LMBRD2: variants seen among roughly 807,000 people sequenced by gnomAD.
LMBRD2 encodes the protein LMBR1 domain containing 2, also known as G protein-coupled receptor-associated protein LMBRD2.
Under a neutral mutation model 94.4 loss-of-function variants are expected in LMBRD2, and 55 were observed. The observed-to-expected ratio is 0.58, with a 90% CI of 0.47 to 0.73. The LOEUF (loss-of-function observed/expected upper bound fraction) is 0.73. LMBRD2 is among the 30% of genes least tolerant of loss of function. The pLI is 0.00. For missense variants in LMBRD2, 640 were observed against 831.9 expected (o/e 0.77, Z 2.84); for synonymous variants, 246 against 272.4 (o/e 0.90, Z 0.95).
chr5:36,140,024 GT>G (rs1455198230), intron 4 of LMBRD2, among the ~76,000 whole-genome samples: 2 of 152,232 alleles, frequency 1.3e-5, no homozygotes, highest in African/African-American at 2.4e-5. Context: ...GAGAAGAGCT[GT>G]GGCCCTTCCA....
chr5:36,137,992 G>T (rs545652909), intron 4 of LMBRD2, among the ~76,000 whole-genome samples: 1 of 152,220 alleles, frequency 6.6e-6, no homozygotes, highest in Non-Finnish European at 1.5e-5. Flanking sequence ...GAATGAGTAT[G>T]GAGAATGTGA....
At chr5:36,136,062 T>C (rs1353853274) in intron 6 of LMBRD2, among the ~76,000 whole-genome samples, 2 of 152,190 alleles carry the variant, frequency 1.3e-5, no homozygotes, top group Non-Finnish European at 2.9e-5. Flanking sequence ...CTCAAAATAA[T>C]AGGCGTAGCC....
chr5:36,115,368 C>T (rs1442107105), intron 11 of LMBRD2, among the ~76,000 whole-genome samples: 1 of 152,160 alleles, frequency 6.6e-6, no homozygotes, highest in Admixed American at 6.5e-5. Flanking sequence ...TCTGCCATTG[C>T]TTTATCCCCA....
At position 36,136,450 on chromosome 5, in the gene LMBRD2, C is replaced by CA; in HGVS notation, c.605dup (p.Leu202PhefsTer28). 1 of 1,613,958 alleles carries CA rather than the reference C, an allele frequency of 6.2e-7. No individual in the cohort carries two copies. The highest frequency in any genetic ancestry group is 8.5e-7 in the Non-Finnish European group (1 of 1,179,892). On this transcript the variant is annotated frameshift_variant, in exon 6 of 18. Transcript: ENST00000296603. LOFTEE classifies it high-confidence loss of function. ...GAGGAATTTCCACCAAGCCATACCCCAACAACAACACAAGAAGAAACAGAC... is the reference window on the plus strand; with the variant it reads ...GAGGAATTTCCACCAAGCCATACCCCAAACAACAACACAAGAAGAAACAGAC...
intron 4 of LMBRD2, among the ~76,000 whole-genome samples, chr5:36,139,219 T>C (rs1048495471): frequency 3.3e-5 from 5 of 152,222 alleles, no homozygotes; most frequent in East Asian, 1.9e-4. Context: ...CCAGGCACTG[T>C]TGTAACCTAG....
chr5:36,142,376 G>A (rs1744430503), intron 3 of LMBRD2, 126 bp downstream of exon 3: 1 of 541,496 alleles, frequency 1.8e-6, no homozygotes, highest in African/African-American at 1.9e-5. Flanking sequence ...AAGAATAGAG[G>A]TGGGGAGAAT....
At chr5:36,147,921 A>C (rs1485122288) in intron 1 of LMBRD2, 2 of 421,532 alleles carry the variant, frequency 4.7e-6, no homozygotes, top group Non-Finnish European at 9.6e-6. Flanking sequence ...ATGATTCATC[A>C]TTCTCAAATA....
In LMBRD2 at chr5:36,101,318, C is replaced by T. The variant is rs1470039544; in HGVS notation, c.*2728G>A. The T allele has an allele frequency of 7.2e-5, 11 of 151,776 alleles. No individual in the cohort carries two copies. Among genetic ancestry groups the T allele is most frequent in the Admixed American group, 7.2e-4 (11 of 15,218 alleles). 9.4% of individuals were successfully genotyped at this position (151,776 alleles called of 1,614,324 possible). On this transcript the variant is annotated 3_prime_UTR_variant, in exon 18 of 18. Transcript: ENST00000296603. The stretch of plus-strand genomic sequence containing the variant: ...ATTAATAGATTATTATTATTTTCTA[C>T]AATAGTTATTCTGAATTACTGGCTT...
chr5:36,151,225 C>G lies in LMBRD2; in HGVS notation c.-58+331G>C, dbSNP rs1185659097. 6.6e-6 allele frequency among the ~76,000 whole-genome samples: 1 copy of G among 152,226 alleles called. No homozygotes were observed. The highest frequency in any genetic ancestry group is 6.5e-5 in the Admixed American group (1 of 15,286). On this transcript the variant is annotated intron_variant, in intron 1 of 17. Coordinates refer to ENST00000296603, the MANE Select transcript of LMBRD2 (RefSeq NM_001007527.2). The surrounding 1 kb of genome is among the most constrained non-coding windows in gnomAD (Gnocchi z 4.7). ...GACAGCAAGCAACCAAATGGCTTTGCTGGAGGCCCCCTGCGTGCACGGGTA... is the reference window on the plus strand; with the variant it reads ...GACAGCAAGCAACCAAATGGCTTTGGTGGAGGCCCCCTGCGTGCACGGGTA...
chr5:36,148,784 A>G (rs1259726730), intron 1 of LMBRD2, among the ~76,000 whole-genome samples: 1 of 152,232 alleles, frequency 6.6e-6, no homozygotes, highest in Non-Finnish European at 1.5e-5. Flanking sequence ...TCATAATTAC[A>G]TGTCTCTTCT....
At chr5:36,140,434 G>A (rs924275391) in intron 4 of LMBRD2, among the ~76,000 whole-genome samples, 7 of 152,216 alleles carry the variant, frequency 4.6e-5, no homozygotes, top group African/African-American at 2.4e-5. Flanking sequence ...GTAAAATTCA[G>A]GCAAAGGTGC....
At chr5:36,138,263 T>A (rs1269797955) in intron 4 of LMBRD2, among the ~76,000 whole-genome samples, 1 of 152,138 alleles carries the variant, frequency 6.6e-6, no homozygotes, top group Non-Finnish European at 1.5e-5. Context: ...GGTTAAGAAA[T>A]AAGTAAACAA....
intron 1 of LMBRD2, among the ~76,000 whole-genome samples, chr5:36,146,540 T>A (rs757502535): frequency 7.3e-4 from 111 of 152,146 alleles, no homozygotes; most frequent in African/African-American, 1.2e-3. Context: ...TGGCTAATTT[T>A]AAAAAAAAAT....
Position 36,141,773 on chromosome 5 carries a change from G to A in LMBRD2, c.273-571C>T, listed in dbSNP as rs74845907. On this transcript the variant is annotated intron_variant, in intron 3 of 17. Coordinates refer to ENST00000296603, the MANE Select transcript of LMBRD2 (RefSeq NM_001007527.2). Reference sequence around the variant, plus strand: ...GTCTCTGATCATAAATTCTGCCATGGAGCCATATTCCTAAGCTAGAAGGAT... The same window carrying A: ...GTCTCTGATCATAAATTCTGCCATGAAGCCATATTCCTAAGCTAGAAGGAT... Among the ~76,000 whole-genome samples, 2,467 of 152,118 alleles carry A rather than the reference G, an allele frequency of 0.016. 129 individuals carry two copies. In the South Asian group the frequency reaches 0.18, roughly 11 times the overall value.
chr5:36,132,904 C>A lies in LMBRD2; in HGVS notation c.747+3405G>T, dbSNP rs774803990. On this transcript the variant is annotated intron_variant, in intron 6 of 17. Coordinates refer to ENST00000296603, the MANE Select transcript of LMBRD2 (RefSeq NM_001007527.2). The stretch of plus-strand genomic sequence containing the variant: ...AAAGCTACAATGAGATATCATCTCA[C>A]CCCAGTTAAAATGGGTTTTATCCAA... Among the ~76,000 whole-genome samples the A allele has an allele frequency of 1.3e-4, 20 of 151,630 alleles. 1 individual carries two copies. The highest frequency in any genetic ancestry group is 1.1e-3 in the Admixed American group (16 of 15,224).
At chr5:36,120,558 C>G (rs928800508) in intron 9 of LMBRD2, among the ~76,000 whole-genome samples, 2 of 152,160 alleles carry the variant, frequency 1.3e-5, no homozygotes, top group Non-Finnish European at 2.9e-5. Flanking sequence ...CGCGCCTGGC[C>G]TCAAATTCTA....
At chr5:36,114,309 T>C in intron 13 of LMBRD2, 115 bp downstream of exon 13, 1 of 1,290,820 alleles carries the variant, frequency 7.7e-7, no homozygotes, top group Non-Finnish European at 1.0e-6. Flanking sequence ...CCCCAGCTTC[T>C]CCAAAGCTAC....
rs75660195 is a variant in LMBRD2, at chr5:36,114,633, T to C, written c.1543-112A>G. On this transcript the variant is annotated intron_variant, in intron 12 of 17. Coordinates refer to ENST00000296603, the MANE Select transcript of LMBRD2 (RefSeq NM_001007527.2). The stretch of plus-strand genomic sequence containing the variant: ...GTTATATCAATCCATTTGAACTTTT[T>C]AAAAAGTAGAAAAAAAGCAGTAAAT... 5,453 of 1,259,646 alleles carry C rather than the reference T, an allele frequency of 4.3e-3. 200 individuals carry two copies. The African/African-American group carries it at 0.078, about 18-fold the overall frequency. 78.0% of individuals were successfully genotyped at this position (1,259,646 alleles called of 1,614,324 possible).
rs1206111084 is a variant in LMBRD2 at position 36,103,838 on chromosome 5, A to G, written c.*208T>C. ...TTCTAAGGCAGATGCTTAGGAAATGATATGTAATAAATCTTGTTGAAAAAG... is the reference window on the plus strand; with the variant it reads ...TTCTAAGGCAGATGCTTAGGAAATGGTATGTAATAAATCTTGTTGAAAAAG... On this transcript the variant is annotated 3_prime_UTR_variant, in exon 18 of 18. Coordinates refer to ENST00000296603, the MANE Select transcript of LMBRD2 (RefSeq NM_001007527.2). 3 of 379,852 alleles carry G rather than the reference A, an allele frequency of 7.9e-6. No individual in the cohort carries two copies. The highest frequency in any genetic ancestry group is 1.4e-5 in the Non-Finnish European group (3 of 207,314). The allele number at this position is 379,852 out of a possible 1,614,324, so 23.5% of individuals were successfully genotyped here.
Sources: gnomAD v4.1 joint callset for allele counts (sites outside exome capture counted in the v4.1 genomes callset) on GRCh38, gnomAD v4.1.1 for gene constraint, Gnocchi (gnomAD v3.1) non-coding constraint, MANE v1.5 for transcripts, NCBI Gene and HGNC (gene_info 2026-07-23, HGNC 2026-07-21) for gene names.